METTL21A: variants seen among roughly 807,000 people sequenced by gnomAD.
The protein encoded by METTL21A is protein N-lysine methyltransferase METTL21A.
Under a neutral mutation model 20.9 loss-of-function variants are expected in METTL21A, and 22 were observed. That is an observed-to-expected ratio of 1.05 (90% CI 0.75 to 1.50). The LOEUF is 1.50. Among genes scored for constraint, METTL21A ranks in the 40% most tolerant of loss-of-function variants. The probability of loss-of-function intolerance (pLI) is 0.00; values close to 1 mark genes in which losing one functional copy is unlikely to be tolerated. For missense variants in METTL21A, 271 were observed against 266.8 expected, an observed-to-expected ratio of 1.02 and a Z score of -0.11; for synonymous variants, 93 against 102.0, an observed-to-expected ratio of 0.91 and a Z score of 0.53.
chr2:207,622,805 C>T (rs2090653261), intron 2 of METTL21A, among the ~76,000 whole-genome samples: 1 of 152,102 alleles, frequency 6.6e-6, no homozygotes, highest in Non-Finnish European at 1.5e-5. Context: ...GCTAACATAA[C>T]TTGTTACTAT....
At chr2:207,587,722 CAT>C (rs1161723544) in intron 3 of METTL21A, among the ~76,000 whole-genome samples, 21 of 152,178 alleles carry the variant, frequency 1.4e-4, no homozygotes, top group Admixed American at 4.6e-4. Context: ...TGTTCTCACT[CAT>C]GTGGGAGCTA....
intron 3 of METTL21A, among the ~76,000 whole-genome samples, chr2:207,614,330 G>C (rs2089397226): frequency 6.6e-6 from 1 of 151,798 alleles, no homozygotes. Context: ...GGGAGATCGA[G>C]GCTGCAGTGA....
At chr2:207,597,260 CAA>C (rs2086328939) in intron 3 of METTL21A, 1 of 488,138 alleles carries the variant, frequency 2.0e-6, no homozygotes, top group Non-Finnish European at 3.4e-6. Flanking sequence ...CTTCTCCCCT[CAA>C]GAAATTTTCA....
chr2:207,584,672 G>T (rs920255090), intron 3 of METTL21A, among the ~76,000 whole-genome samples: 6 of 152,174 alleles, frequency 3.9e-5, no homozygotes, highest in Non-Finnish European at 5.9e-5. Flanking sequence ...AAAATGCTGG[G>T]ATTACAGGTG....
chr2:207,591,113 G>A (rs1365714533), intron 3 of METTL21A, among the ~76,000 whole-genome samples: 1 of 152,078 alleles, frequency 6.6e-6, no homozygotes, highest in Non-Finnish European at 1.5e-5. Context: ...TGTCAGATAG[G>A]TGTAGTTGAT....
At chr2:207,582,648 G>A (rs2083120938) in intron 3 of METTL21A, among the ~76,000 whole-genome samples, 1 of 151,906 alleles carries the variant, frequency 6.6e-6, no homozygotes, top group African/African-American at 2.4e-5. Context: ...CCCTTCCCTA[G>A]CCTTGGAATG....
At chr2:207,624,812 G>C (rs1404036090) in intron 1 of METTL21A, 1 of 152,426 alleles carries the variant, frequency 6.6e-6, no homozygotes, top group African/African-American at 2.4e-5. Context: ...CGGGCGGCCC[G>C]GGTTCTTTCG....
intron 3 of METTL21A, among the ~76,000 whole-genome samples, chr2:207,583,098 A>C (rs777616678): frequency 2.0e-5 from 3 of 152,152 alleles, no homozygotes; most frequent in Non-Finnish European, 4.4e-5. Context: ...AACTATTTAC[A>C]TAGTATTTAC....
chr2:207,614,327 C>T (rs191970332), intron 3 of METTL21A, among the ~76,000 whole-genome samples: 574 of 151,344 alleles, frequency 3.8e-3, no homozygotes, highest in Non-Finnish European at 6.5e-3. Context: ...TATGGGAGAT[C>T]GAGGCTGCAG....
At chr2:207,598,455 C>A (rs756412562) in intron 3 of METTL21A, 5 of 177,708 alleles carry the variant, frequency 2.8e-5, no homozygotes, top group Middle Eastern at 4.0e-3. Context: ...TCATTTTATT[C>A]ACTAAGCTCG....
intron 3 of METTL21A, chr2:207,620,669 C>G: frequency 2.0e-6 from 3 of 1,535,494 alleles, no homozygotes; most frequent in Non-Finnish European, 2.6e-6. Context: ...AGTGTACCAG[C>G]AAGGGCTTCA....
intron 3 of METTL21A, chr2:207,620,527 T>G: frequency 1.8e-6 from 1 of 543,462 alleles, no homozygotes; most frequent in Non-Finnish European, 2.9e-6. Flanking sequence ...GAGTCCCAGA[T>G]CTCCAGTGAT....
exon 4 of METTL21A, chr2:207,613,311 C>A: frequency 2.5e-6 from 4 of 1,614,094 alleles, no homozygotes; most frequent in Non-Finnish European, 3.4e-6. Flanking sequence ...AGGAGAAAAA[C>A]TCCCCAAATT....
At chr2:207,582,944 CAT>C in intron 3 of METTL21A, 1 of 178,912 alleles carries the variant, frequency 5.6e-6, no homozygotes, top group South Asian at 1.1e-4. Flanking sequence ...TACACACACA[CAT>C]ACACCTTCAT....
chr2:207,590,737 C>T (rs948469545), intron 3 of METTL21A, among the ~76,000 whole-genome samples: 4 of 152,014 alleles, frequency 2.6e-5, no homozygotes, highest in Admixed American at 6.6e-5. Context: ...ACCAAAGCAG[C>T]GATGGATAAT....
At chr2:207,585,989 G>A (rs6729764) in intron 3 of METTL21A, among the ~76,000 whole-genome samples, 2,058 of 152,224 alleles carry the variant, frequency 0.014, 43 homozygotes, top group African/African-American at 0.047. Flanking sequence ...TGTCTTGAGA[G>A]AGAGATATAT....
downstream of METTL21A, chr2:207,612,250 ACAC>A (rs2089053444): frequency 6.6e-6 from 1 of 151,332 alleles, no homozygotes; most frequent in Non-Finnish European, 1.5e-5. Context: ...CAGGCGCCTG[ACAC>A]CACGCCCGGC....
chr2:207,605,640 T>C (rs1248347715), downstream of METTL21A, among the ~76,000 whole-genome samples: 2 of 152,210 alleles, frequency 1.3e-5, no homozygotes, highest in East Asian at 3.8e-4. Context: ...CTCCTCCCTC[T>C]CCCTTTTTTT....
intron 3 of METTL21A, chr2:207,620,668 G>C: frequency 6.5e-7 from 1 of 1,535,482 alleles, no homozygotes; most frequent in Non-Finnish European, 8.7e-7. Context: ...CAGTGTACCA[G>C]CAAGGGCTTC....
Sources: allele counts gnomAD v4.1 joint callset (sites outside exome capture counted in the v4.1 genomes callset), GRCh38; gene constraint gnomAD v4.1.1; transcripts MANE v1.5; gene names NCBI Gene and HGNC (gene_info 2026-07-23, HGNC 2026-07-21).